TENM4: variants seen among roughly 807,000 people sequenced by gnomAD.
The protein encoded by TENM4 is teneurin-4.
A neutral mutation model predicts 243.3 loss-of-function variants in TENM4; 82 were observed. That is an observed-to-expected ratio of 0.34 (90% confidence interval 0.28 to 0.40). The LOEUF (loss-of-function observed/expected upper bound fraction) is 0.40, where lower values mean the gene tolerates loss of function less well. Ranked by LOEUF, TENM4 falls within the 10% of genes least tolerant of loss-of-function variation. The pLI is 1.00. For synonymous variants in TENM4, 1,412 were observed against 1,456.3 expected (o/e 0.97, Z 0.69); for missense variants, 3,138 against 3,673.3 (o/e 0.85, Z 3.77).
At chr11:79,341,199 G>A (rs185055965) in intron 1 of TENM4, among the ~76,000 whole-genome samples, 1 of 152,316 alleles carries the variant, frequency 6.6e-6, no homozygotes, top group Non-Finnish European at 1.5e-5. Context: ...CCGATCTCAG[G>A]AACTATAAGA....
intron 1 of TENM4, among the ~76,000 whole-genome samples, chr11:79,386,350 C>G (rs1858111470): frequency 6.6e-6 from 1 of 152,074 alleles, no homozygotes; most frequent in African/African-American, 2.4e-5. Flanking sequence ...GACCTTGCAG[C>G]AGGCAAAGCT....
At chr11:79,408,366 C>A (rs1313035358) in intron 1 of TENM4, among the ~76,000 whole-genome samples, 11 of 152,188 alleles carry the variant, frequency 7.2e-5, no homozygotes, top group African/African-American at 1.7e-4. Flanking sequence ...TAGAGAAACG[C>A]CAGGTTATGA....
At chr11:78,942,322 C>A (rs1236745359) in intron 6 of TENM4, among the ~76,000 whole-genome samples, 1 of 122,316 alleles carries the variant, frequency 8.2e-6, no homozygotes, top group African/African-American at 3.1e-5. Flanking sequence ...TGGCATGCGC[C>A]TGTAGTTCTA....
chr11:79,233,043 T>A (rs1403251964), intron 2 of TENM4, among the ~76,000 whole-genome samples: 1 of 152,198 alleles, frequency 6.6e-6, no homozygotes, highest in Admixed American at 6.5e-5. Context: ...GCTCCCCACA[T>A]GGGCAATGCA....
At chr11:79,095,973 G>A (rs1194195144) in intron 4 of TENM4, 2 of 152,182 alleles carry the variant, frequency 1.3e-5, no homozygotes, top group African/African-American at 2.4e-5. Flanking sequence ...GGTCTCTCAT[G>A]TGCCATCCGA....
chr11:78,805,881 T>C (rs1857378659), intron 14 of TENM4, among the ~76,000 whole-genome samples: 1 of 152,250 alleles, frequency 6.6e-6, no homozygotes, highest in South Asian at 2.1e-4. Flanking sequence ...GGTTTATTTT[T>C]GTAGGCATGA....
intron 17 of TENM4, among the ~76,000 whole-genome samples, 191 bp from the exon 18 acceptor site, chr11:78,771,329 G>A (rs1273779376): frequency 1.3e-5 from 2 of 152,224 alleles, no homozygotes; most frequent in Non-Finnish European, 2.9e-5. Context: ...GCTCAGAGAG[G>A]TGAAAGGACT....
At chr11:79,265,254 A>C (rs988364505) in intron 2 of TENM4, among the ~76,000 whole-genome samples, 2 of 152,134 alleles carry the variant, frequency 1.3e-5, no homozygotes, top group African/African-American at 4.8e-5. Context: ...CACATGAATG[A>C]AGGGGTGAGT....
rs1253210960 is a variant in TENM4 at position 79,064,999 on chromosome 11, AGTT to A, written c.229_231del (p.Asn77del). 2 of 1,459,196 alleles carry A rather than the reference AGTT, an allele frequency of 1.4e-6. No individual in the cohort carries two copies. Among genetic ancestry groups the A allele is most frequent in the African/African-American group, 2.8e-5 (2 of 70,232 alleles). 90.4% of individuals were successfully genotyped at this position (1,459,196 alleles called of 1,614,324 possible). On this transcript the variant is annotated inframe_deletion, in exon 6 of 34. Transcript: ENST00000278550. ...TCCAGCCCCAGCTCCCGCAGGGTGA[AGTT>A]GGCACCTGGGAGGAAACACAGGTGA...
intron 6 of TENM4, among the ~76,000 whole-genome samples, chr11:79,022,418 T>G (rs1280640679): frequency 2.0e-5 from 3 of 152,040 alleles, no homozygotes; most frequent in Non-Finnish European, 4.4e-5. Context: ...CAGTAAACAG[T>G]CCCGGCAAAG....
At chr11:79,415,024 G>A (rs894333968) in intron 1 of TENM4, among the ~76,000 whole-genome samples, 2 of 152,296 alleles carry the variant, frequency 1.3e-5, no homozygotes, top group South Asian at 2.1e-4. Flanking sequence ...CCAGGAGGCC[G>A]GTTCCCTCTT....
rs1017283717 is a variant in TENM4, at chr11:79,064,979, C to G, written c.252G>C (p.Gly84=). The G allele has an allele frequency of 6.8e-7, 1 of 1,464,946 alleles. No homozygotes were observed. The highest frequency in any genetic ancestry group is 9.1e-7 in the Non-Finnish European group (1 of 1,103,530). 90.7% of individuals were successfully genotyped at this position (1,464,946 alleles called of 1,614,324 possible). ...CGTGAGGGGGCGTTACTTCTTCCAG[C>G]CCCAGCTCCCGCAGGGTGAAGTTGG... ...TGANFTLREL[G]LEEVTPPHGT... is the part of the protein sequence containing the mutation. Residue 84 remains glycine (G), a synonymous_variant, in exon 6 of 34, where the codon GGG becomes GGC. Transcript: ENST00000278550.
At chr11:78,794,459 T>C (rs117459552) in intron 15 of TENM4, among the ~76,000 whole-genome samples, 1 of 152,136 alleles carries the variant, frequency 6.6e-6, no homozygotes, top group Non-Finnish European at 1.5e-5. Context: ...TGCTGGTGAA[T>C]AGATGTGAAC....
intron 1 of TENM4, among the ~76,000 whole-genome samples, chr11:79,302,933 G>C (rs939014860): frequency 2.0e-5 from 3 of 152,326 alleles, no homozygotes; most frequent in African/African-American, 4.8e-5. Flanking sequence ...TAACATACTA[G>C]TTCAAGGAGT....
At chr11:78,997,940 C>A (rs547636589) in intron 6 of TENM4, among the ~76,000 whole-genome samples, 16 of 152,290 alleles carry the variant, frequency 1.1e-4, no homozygotes, top group Non-Finnish European at 2.2e-4. Flanking sequence ...TCTCTTCTCT[C>A]TTTCCTTGGT....
chr11:79,031,013 AT>A (rs573641631), intron 6 of TENM4, among the ~76,000 whole-genome samples: 101 of 152,312 alleles, frequency 6.6e-4, no homozygotes, highest in South Asian at 1.5e-3. Flanking sequence ...ATAAAGGGAC[AT>A]ATATGTGGGT....
At chr11:78,952,958 C>T (rs928054237) in intron 6 of TENM4, among the ~76,000 whole-genome samples, 2 of 152,112 alleles carry the variant, frequency 1.3e-5, no homozygotes, top group East Asian at 1.9e-4. Context: ...TCTGGAAGTG[C>T]AAATATAGGT....
intron 9 of TENM4, among the ~76,000 whole-genome samples, chr11:78,882,081 G>A (rs1855443314): frequency 6.6e-6 from 1 of 152,116 alleles, no homozygotes; most frequent in African/African-American, 2.4e-5. Flanking sequence ...TAAATCTATG[G>A]CTCCTGTCCA....
intron 2 of TENM4, among the ~76,000 whole-genome samples, chr11:79,289,254 T>C (rs1856314068): frequency 6.6e-6 from 1 of 152,204 alleles, no homozygotes; most frequent in Non-Finnish European, 1.5e-5. Context: ...AAAGAGTTGT[T>C]TCAACAGTGG....
Sources: gnomAD v4.1 joint callset for allele counts (sites outside exome capture counted in the v4.1 genomes callset) on GRCh38, gnomAD v4.1.1 for gene constraint, MANE v1.5 for transcripts, NCBI Gene and HGNC (gene_info 2026-07-23, HGNC 2026-07-21) for gene names.